Variants in DYNC1LI2 observed in about 807,000 individuals in gnomAD.
DYNC1LI2 encodes cytoplasmic dynein 1 light intermediate chain 2.
Under a neutral mutation model 57.8 loss-of-function variants are expected in DYNC1LI2, and 19 were observed. The ratio of observed to expected loss-of-function variants is 0.33; its 90% CI spans 0.23 to 0.48. The LOEUF (loss-of-function observed/expected upper bound fraction) is 0.48, where lower values mean the gene tolerates loss of function less well. Ranked by LOEUF, DYNC1LI2 falls within the 20% of genes least tolerant of loss-of-function variation. DYNC1LI2 has a pLI of 0.99. For synonymous variants in DYNC1LI2, 256 were observed against 233.4 expected, an observed-to-expected ratio of 1.10 and a Z score of -0.88; for missense variants, 470 against 604.2, an observed-to-expected ratio of 0.78 and a Z score of 2.33.
At chr16:66,729,571 G>GTTTTTTTTTTTTTTTTTTTTTTTTTTTTT (rs11310483) in intron 8 of DYNC1LI2, among the ~76,000 whole-genome samples, 1 of 93,698 alleles carries the variant, frequency 1.1e-5, no homozygotes, top group African/African-American at 4.7e-5. Flanking sequence ...TTTCTTTATA[G>GTTTTTTTTTTTTTTTTTTTTTTTTTTTTT]TTTTTTTTTT....
rs1218740050 is a variant in DYNC1LI2 at position 66,721,520 on chromosome 16, A to G, written c.*2202T>C. 1.3e-5 allele frequency: 2 copies of G among 152,528 alleles called. No individual in the cohort carries two copies. Among genetic ancestry groups the G allele is most frequent in the African/African-American group, 2.4e-5 (1 of 41,412 alleles). 9.4% of individuals were successfully genotyped at this position (152,528 alleles called of 1,614,324 possible). On this transcript the variant is annotated 3_prime_UTR_variant, in exon 13 of 13. Transcript: ENST00000258198. ...AATGCTTGAAAACCCCAAAATAACAAAACTCATCTCCCTTCCTCCCACCTC... is the reference window on the plus strand; with the variant it reads ...AATGCTTGAAAACCCCAAAATAACAGAACTCATCTCCCTTCCTCCCACCTC...
At chr16:66,744,727 T>C (rs544738221) in intron 3 of DYNC1LI2, among the ~76,000 whole-genome samples, 3 of 152,080 alleles carry the variant, frequency 2.0e-5, no homozygotes, top group African/African-American at 7.2e-5. Context: ...GCCTGGCTAA[T>C]TTTTGTATTT....
At chr16:66,733,135 CCT>C (rs756685790) in intron 6 of DYNC1LI2, 1 of 152,006 alleles carries the variant, frequency 6.6e-6, no homozygotes, top group African/African-American at 2.4e-5. Flanking sequence ...AAAACAATAC[CCT>C]GTTTGGTAAT....
intron 4 of DYNC1LI2, among the ~76,000 whole-genome samples, chr16:66,740,410 A>G (rs2017815233): frequency 6.6e-6 from 1 of 152,214 alleles, no homozygotes; most frequent in African/African-American, 2.4e-5. Context: ...ATTAAAATGT[A>G]GCCTAAACCC....
At chr16:66,730,454 C>T (rs1262094563) in intron 7 of DYNC1LI2, 1 of 397,030 alleles carries the variant, frequency 2.5e-6, no homozygotes, top group Non-Finnish European at 4.5e-6. Flanking sequence ...GTCTAAGGAG[C>T]CAGTATGAGA....
intron 4 of DYNC1LI2, among the ~76,000 whole-genome samples, chr16:66,739,893 G>A (rs891237230): frequency 6.6e-6 from 1 of 152,206 alleles, no homozygotes; most frequent in Non-Finnish European, 1.5e-5. Context: ...TCCAGATGGT[G>A]AGTATTTCAC....
intron 8 of DYNC1LI2, among the ~76,000 whole-genome samples, chr16:66,729,657 A>G (rs1253050010): frequency 6.9e-6 from 1 of 145,572 alleles, no homozygotes; most frequent in African/African-American, 2.6e-5. Context: ...GCTCATTACA[A>G]CCTCCGCCTC....
At position 66,722,300 on chromosome 16, in the gene DYNC1LI2, A is replaced by T. The variant is rs991976227; in HGVS notation, c.*1422T>A. ...GACACAGTACAACAAACATTCATAT[A>T]AAAAAAGTAAACTCCACATGGTGAA... On this transcript the variant is annotated 3_prime_UTR_variant, in exon 13 of 13. Coordinates refer to ENST00000258198, the MANE Select transcript of DYNC1LI2 (RefSeq NM_006141.3). 2.0e-5 allele frequency: 3 copies of T among 152,622 alleles called. No homozygotes were observed. Among genetic ancestry groups the T allele is most frequent in the Non-Finnish European group, 4.4e-5 (3 of 68,034 alleles). The allele number at this position is 152,622 out of a possible 1,614,324, so 9.5% of individuals were successfully genotyped here.
chr16:66,749,299 C>T lies in DYNC1LI2; in HGVS notation c.196G>A (p.Gly66Ser). 6.2e-7 allele frequency: 1 copy of T among 1,614,128 alleles called. No individual in the cohort carries two copies. ...AGTTTAGTCATGAGGGTTGTTTTAC[C>T]AGAACCATCTTCACCTACAAAGGAT... ...NILVFGEDGS[G>S]KTTLMTKLQG... Residue 66 changes from glycine to serine, a missense_variant, in exon 3 of 13, where the codon GGT becomes AGT. Gly to Ser is a moderately conservative substitution (Grantham distance 56, BLOSUM62 0). Transcript: ENST00000258198.
At chr16:66,729,927 G>A (rs1281087785) in intron 8 of DYNC1LI2, among the ~76,000 whole-genome samples, 185 bp downstream of exon 8, 4 of 151,894 alleles carry the variant, frequency 2.6e-5, no homozygotes, top group Admixed American at 1.3e-4. Context: ...GATTACAGGC[G>A]CTTGCCACCA....
Position 66,723,630 on chromosome 16 carries a change from G to T in DYNC1LI2, c.*92C>A. 10 of 1,059,470 alleles carry T rather than the reference G, an allele frequency of 9.4e-6. No homozygotes were observed. The highest frequency in any genetic ancestry group is 1.6e-5 in the African/African-American group (1 of 61,428). The allele number at this position is 1,059,470 out of a possible 1,614,324, so 65.6% of individuals were successfully genotyped here. ...TTCATCTCCCCTGCCCCAAAAAACT[G>T]ATAGCATGTGCCATATCAGAAAAAT... On this transcript the variant is annotated 3_prime_UTR_variant, in exon 13 of 13. Transcript: ENST00000258198.
chr16:66,734,086 T>G, intron 6 of DYNC1LI2, 132 bp downstream of exon 6: 1 of 715,810 alleles, frequency 1.4e-6, no homozygotes, highest in Non-Finnish European at 2.3e-6. Flanking sequence ...AACATAAACC[T>G]AGTAAAAAGA....
chr16:66,732,278 T>G, intron 7 of DYNC1LI2, 61 bp downstream of exon 7: 1 of 1,581,216 alleles, frequency 6.3e-7, no homozygotes, highest in Non-Finnish European at 8.6e-7. Context: ...AGGGGTAAAA[T>G]GTAAAAAGCA....
At chr16:66,744,471 A>T (rs2017900097) in intron 3 of DYNC1LI2, among the ~76,000 whole-genome samples, 1 of 152,246 alleles carries the variant, frequency 6.6e-6, no homozygotes, top group South Asian at 2.1e-4. Context: ...GCAAGTGCTA[A>T]GATGTAATGA....
rs535886032 is a variant in DYNC1LI2 at position 66,721,969 on chromosome 16, C to T, written c.*1753G>A. ...CAATTATCATTCTACAGTCAGTTTA[C>T]TGTCATTACCTAGACAACCTGGTAA... is the stretch of plus-strand genomic sequence containing the variant. On this transcript the variant is annotated 3_prime_UTR_variant, in exon 13 of 13. Transcript: ENST00000258198. The T allele has an allele frequency of 6.6e-6, 1 of 152,466 alleles. No homozygotes were observed. The highest frequency in any genetic ancestry group is 2.1e-4 in the South Asian group (1 of 4,824). 9.4% of individuals were successfully genotyped at this position (152,466 alleles called of 1,614,324 possible). A position where few individuals can be genotyped will look rare whatever the true frequency, so the allele number is the denominator to read the frequency against.
intron 3 of DYNC1LI2, among the ~76,000 whole-genome samples, chr16:66,743,574 A>G (rs1327888411): frequency 6.6e-6 from 1 of 151,968 alleles, no homozygotes; most frequent in Non-Finnish European, 1.5e-5. Context: ...AAAAAAAAAA[A>G]AAAAAAAAGG....
intron 10 of DYNC1LI2, 109 bp downstream of exon 10, chr16:66,728,092 C>T (rs1567448335): frequency 2.0e-6 from 3 of 1,464,394 alleles, no homozygotes; most frequent in Non-Finnish European, 2.8e-6. Context: ...CAAATTCCCA[C>T]TGAAAATACA....
intron 4 of DYNC1LI2, among the ~76,000 whole-genome samples, chr16:66,740,286 G>A (rs113410276): frequency 1.4e-3 from 220 of 152,282 alleles, no homozygotes; most frequent in African/African-American, 3.6e-3. Context: ...GGAGACTGGT[G>A]TTGGACTGGA....
chr16:66,739,751 T>C (rs1411358538), intron 4 of DYNC1LI2, among the ~76,000 whole-genome samples: 1 of 152,188 alleles, frequency 6.6e-6, no homozygotes, highest in East Asian at 1.9e-4. Flanking sequence ...AGAAAGCAAT[T>C]TGGAAAGCAG....
Sources: gnomAD v4.1 joint callset for allele counts (sites outside exome capture counted in the v4.1 genomes callset) on GRCh38, gnomAD v4.1.1 for gene constraint, MANE v1.5 for transcripts, NCBI Gene and HGNC (gene_info 2026-07-23, HGNC 2026-07-21) for gene names.